The following KCTD16 variants were observed in gnomAD, a reference collection of about 807,000 sequenced individuals.
The protein encoded by KCTD16 is potassium channel tetramerization domain containing 16.
Under a neutral mutation model 33.2 loss-of-function variants are expected in KCTD16, and 13 were observed. The observed-to-expected ratio is 0.39, with a 90% CI of 0.25 to 0.62. KCTD16 has a LOEUF of 0.62. Among genes scored for constraint, KCTD16 ranks in the 20% least tolerant of loss-of-function variants. The pLI, the probability that KCTD16 is intolerant of heterozygous loss-of-function variation, is 0.50. For missense variants in KCTD16, 441 were observed against 525.1 expected (o/e 0.84, Z 1.57); for synonymous variants, 197 against 195.3 (o/e 1.01, Z -0.07).
chr5:144,444,779 T>C (rs1166348814), intron 3 of KCTD16, among the ~76,000 whole-genome samples: 2 of 151,502 alleles, frequency 1.3e-5, no homozygotes, highest in African/African-American at 2.4e-5. Context: ...ACTAGAAATA[T>C]ATTGTTGTCG....
intron 3 of KCTD16, among the ~76,000 whole-genome samples, chr5:144,440,355 C>T (rs1401130692): frequency 2.0e-5 from 3 of 152,148 alleles, no homozygotes; most frequent in Non-Finnish European, 2.9e-5. Flanking sequence ...AGTGGAATTG[C>T]TGTGTCATAT....
At chr5:144,204,472 A>G (rs1449234950) in intron 2 of KCTD16, among the ~76,000 whole-genome samples, 1 of 152,108 alleles carries the variant, frequency 6.6e-6, no homozygotes, top group African/African-American at 2.4e-5. Context: ...CCTTCCTGAA[A>G]CTCTAATGAT....
chr5:144,179,458 T>C (rs1376842867), intron 2 of KCTD16, among the ~76,000 whole-genome samples: 1 of 152,226 alleles, frequency 6.6e-6, no homozygotes, highest in African/African-American at 2.4e-5. Flanking sequence ...TATCCCTGCA[T>C]GCGTGCAGGC....
At chr5:144,217,335 T>C (rs144985101) in intron 3 of KCTD16, among the ~76,000 whole-genome samples, 2 of 151,888 alleles carry the variant, frequency 1.3e-5, no homozygotes, top group African/African-American at 4.8e-5. Flanking sequence ...CTAGGTGAGA[T>C]TTTTTTTTCC....
chr5:144,276,108 G>C (rs1414824908), intron 3 of KCTD16, among the ~76,000 whole-genome samples: 1 of 152,046 alleles, frequency 6.6e-6, no homozygotes, highest in Non-Finnish European at 1.5e-5. Context: ...TCCCTTAAAG[G>C]CTCCTTTGCC....
intron 3 of KCTD16, among the ~76,000 whole-genome samples, chr5:144,373,126 G>GT (rs1480824806): frequency 6.6e-6 from 1 of 152,152 alleles, no homozygotes; most frequent in African/African-American, 2.4e-5. Context: ...AGGCAGCTGG[G>GT]TAGATGGTGG....
chr5:144,325,717 C>T (rs1035502121), intron 3 of KCTD16, among the ~76,000 whole-genome samples: 10 of 152,216 alleles, frequency 6.6e-5, no homozygotes, highest in East Asian at 1.9e-4. Context: ...ACCTTGACCA[C>T]GAGCTTCTGG....
At chr5:144,211,617 A>C (rs1374136576) in intron 3 of KCTD16, among the ~76,000 whole-genome samples, 2 of 152,216 alleles carry the variant, frequency 1.3e-5, no homozygotes, top group East Asian at 3.8e-4. Flanking sequence ...ATGTCATTAC[A>C]TATATGCAAA....
intron 2 of KCTD16, among the ~76,000 whole-genome samples, chr5:144,182,745 TGAGAGAGAGAGAGAGAAA>T (rs1056467732): frequency 6.7e-6 from 1 of 150,216 alleles, no homozygotes; most frequent in African/African-American, 2.5e-5. Context: ...GATCCCTGTC[TGAGAGAGAGAGAGAGAAA>T]GAGAGAGAGA....
intron 3 of KCTD16, among the ~76,000 whole-genome samples, chr5:144,341,396 G>A (rs1260347776): frequency 1.3e-5 from 2 of 152,060 alleles, no homozygotes; most frequent in South Asian, 2.1e-4. Context: ...TGGGGATTAG[G>A]CAATGGATCT....
At chr5:144,217,361 T>C (rs1753597424) in intron 3 of KCTD16, among the ~76,000 whole-genome samples, 1 of 152,184 alleles carries the variant, frequency 6.6e-6, no homozygotes, top group Non-Finnish European at 1.5e-5. Context: ...TAGAGGGATA[T>C]CTGTGTGGAG....
chr5:144,363,157 C>A (rs928904499), intron 3 of KCTD16, among the ~76,000 whole-genome samples: 1 of 152,130 alleles, frequency 6.6e-6, no homozygotes, highest in African/African-American at 2.4e-5. Flanking sequence ...GCCTGGCCAA[C>A]ACAGTGAAAC....
chr5:144,339,688 A>G (rs831418), intron 3 of KCTD16, among the ~76,000 whole-genome samples: 37,826 of 152,078 alleles, frequency 0.25, 4,867 homozygotes, highest in Non-Finnish European at 0.28. Flanking sequence ...CCAAGAGTTG[A>G]GATGCACTCA....
At chr5:144,231,805 G>T (rs1258298678) in intron 3 of KCTD16, among the ~76,000 whole-genome samples, 1 of 152,134 alleles carries the variant, frequency 6.6e-6, no homozygotes, top group African/African-American at 2.4e-5. Flanking sequence ...CTCCATGATT[G>T]TAAGTTTTCT....
chr5:144,295,290 C>T (rs1756005249), intron 3 of KCTD16, among the ~76,000 whole-genome samples: 1 of 152,184 alleles, frequency 6.6e-6, no homozygotes, highest in African/African-American at 2.4e-5. Flanking sequence ...AGCATACTGC[C>T]TGGCATATGT....
At chr5:144,234,919 A>G (rs1381227994) in intron 3 of KCTD16, among the ~76,000 whole-genome samples, 2 of 152,114 alleles carry the variant, frequency 1.3e-5, no homozygotes, top group Non-Finnish European at 2.9e-5. Context: ...CTCTCCCTAA[A>G]GAGATCTCAG....
chr5:144,228,882 G>A (rs556578625), intron 3 of KCTD16, among the ~76,000 whole-genome samples: 1 of 152,192 alleles, frequency 6.6e-6, no homozygotes, highest in Non-Finnish European at 1.5e-5. Flanking sequence ...TAGTAATATA[G>A]TACATGTAGT....
Position 144,244,721 on chromosome 5 carries a change from G to T in KCTD16, c.832+37175G>T, listed in dbSNP as rs144833124. Reference sequence around the variant, plus strand: ...ACCTTCAAAGTAGACCCAATTCCTAGTTTCTCACTTTCCCTAGACTGATCT... The same window carrying T: ...ACCTTCAAAGTAGACCCAATTCCTATTTTCTCACTTTCCCTAGACTGATCT... On this transcript the variant is annotated intron_variant, in intron 3 of 3. Transcript: ENST00000512467. Among the ~76,000 whole-genome samples the T allele has an allele frequency of 1.9e-4, 29 of 152,236 alleles. No individual in the cohort carries two copies. In the East Asian group the frequency reaches 4.6e-3, roughly 24 times the overall value.
chr5:144,173,116 A>G (rs951636813), intron 1 of KCTD16, among the ~76,000 whole-genome samples: 1 of 152,224 alleles, frequency 6.6e-6, no homozygotes, highest in Non-Finnish European at 1.5e-5. Flanking sequence ...CGACCCAGCA[A>G]TCCCATTACT....
Sources: allele counts gnomAD v4.1 joint callset (sites outside exome capture counted in the v4.1 genomes callset), GRCh38; gene constraint gnomAD v4.1.1; transcripts MANE v1.5; gene names NCBI Gene and HGNC (gene_info 2026-07-23, HGNC 2026-07-21).